GRID2: variants seen among roughly 807,000 people sequenced by gnomAD.
GRID2 encodes glutamate ionotropic receptor delta type subunit 2, also known as glutamate receptor ionotropic, delta-2.
GRID2 carries 33 observed loss-of-function variants against 114.8 expected under a neutral mutation model. The observed-to-expected ratio is 0.29, with a 90% CI of 0.22 to 0.38. The LOEUF (loss-of-function observed/expected upper bound fraction) is 0.38, where lower values mean the gene tolerates loss of function less well. Among genes scored for constraint, GRID2 ranks in the 10% least tolerant of loss-of-function variants. The pLI, the probability that GRID2 is intolerant of heterozygous loss-of-function variation, is 1.00. For missense variants in GRID2, 1,184 were observed against 1,257.7 expected (o/e 0.94, Z 0.89); for synonymous variants, 505 against 449.9 (o/e 1.12, Z -1.55).
chr4:92,409,615 A>G (rs1010952925), intron 1 of GRID2, among the ~76,000 whole-genome samples: 1 of 152,180 alleles, frequency 6.6e-6, no homozygotes, highest in African/African-American at 2.4e-5. Context: ...GGCTGCTGGT[A>G]TGACCGAACA....
At chr4:92,879,225 G>T (rs916837501) in intron 2 of GRID2, among the ~76,000 whole-genome samples, 19 of 152,110 alleles carry the variant, frequency 1.2e-4, no homozygotes, top group Non-Finnish European at 7.4e-5. Context: ...AAAGTAGGAG[G>T]TATGAGGGTA....
intron 2 of GRID2, among the ~76,000 whole-genome samples, chr4:92,908,111 G>A (rs1057122839): frequency 6.6e-6 from 1 of 152,108 alleles, no homozygotes; most frequent in African/African-American, 2.4e-5. Flanking sequence ...AGCATTGTGA[G>A]ATTCACTAGC....
intron 2 of GRID2, among the ~76,000 whole-genome samples, chr4:92,877,699 C>T (rs149054050): frequency 6.6e-6 from 1 of 152,228 alleles, no homozygotes; most frequent in East Asian, 1.9e-4. Context: ...ATTAGTGTGT[C>T]CTGTCACTCT....
At chr4:92,423,112 C>T (rs545893700) in intron 1 of GRID2, among the ~76,000 whole-genome samples, 15 of 151,960 alleles carry the variant, frequency 9.9e-5, no homozygotes, top group South Asian at 2.1e-4. Context: ...CGAGCCAACG[C>T]GAGAAAAATG....
At chr4:92,308,941 T>C (rs1725558021) in intron 1 of GRID2, among the ~76,000 whole-genome samples, 4 of 152,192 alleles carry the variant, frequency 2.6e-5, no homozygotes, top group Admixed American at 2.6e-4. Flanking sequence ...TATTCTTCTC[T>C]GTATCATTAA....
At chr4:93,775,443 T>C (rs1734350031), downstream of GRID2, among the ~76,000 whole-genome samples, 1 of 152,204 alleles carries the variant, frequency 6.6e-6, no homozygotes, top group Non-Finnish European at 1.5e-5. Flanking sequence ...ATCTCTAGGA[T>C]CCTTCCTTCC....
At chr4:92,893,993 ATAAT>A (rs1445766901) in intron 2 of GRID2, among the ~76,000 whole-genome samples, 1 of 152,090 alleles carries the variant, frequency 6.6e-6, no homozygotes, top group Non-Finnish European at 1.5e-5. Context: ...TTTAAATTTG[ATAAT>A]TAATTACCTA....
At chr4:92,907,442 G>A (rs1161222645) in intron 2 of GRID2, among the ~76,000 whole-genome samples, 2 of 151,796 alleles carry the variant, frequency 1.3e-5, no homozygotes, top group Non-Finnish European at 2.9e-5. Flanking sequence ...ACAGATATTC[G>A]CTCTTGTTTC....
chr4:92,605,087 A>G (rs1729390907), intron 2 of GRID2, among the ~76,000 whole-genome samples: 1 of 152,022 alleles, frequency 6.6e-6, no homozygotes, highest in Non-Finnish European at 1.5e-5. Flanking sequence ...CTATGATTGT[A>G]AGTTTCCTGA....
chr4:93,146,499 T>C (rs927307309), intron 4 of GRID2, among the ~76,000 whole-genome samples: 1 of 152,030 alleles, frequency 6.6e-6, no homozygotes, highest in African/African-American at 2.4e-5. Flanking sequence ...TAAAATGGAA[T>C]TTACGTTCAA....
intron 13 of GRID2, among the ~76,000 whole-genome samples, chr4:93,519,108 T>C (rs1730092462): frequency 1.3e-5 from 2 of 152,138 alleles, no homozygotes; most frequent in African/African-American, 2.4e-5. Context: ...CCATAGGTGG[T>C]TCATATGCAT....
chr4:92,561,330 C>T (rs952433400), intron 1 of GRID2, among the ~76,000 whole-genome samples: 5 of 152,110 alleles, frequency 3.3e-5, no homozygotes, highest in South Asian at 2.1e-4. Flanking sequence ...GAAATATATA[C>T]AGGTTTGGGG....
chr4:92,652,937 AAC>A lies in GRID2; in HGVS notation c.244+62653_244+62654del, dbSNP rs1314797813. ...TTATAAATACATATAAATATATATAAACATATATTTATAAATATATATAAACA... is the reference window on the plus strand; with the variant it reads ...TTATAAATACATATAAATATATATAAATATATTTATAAATATATATAAACA... On this transcript the variant is annotated intron_variant, in intron 2 of 15. Coordinates refer to ENST00000282020, the MANE Select transcript of GRID2 (RefSeq NM_001510.4). Among the ~76,000 whole-genome samples the A allele has an allele frequency of 1.1e-4, 8 of 70,644 alleles. No homozygotes were observed. In the East Asian group the frequency reaches 1.7e-3, roughly 15 times the overall value. 46.3% of individuals were successfully genotyped at this position (70,644 alleles called of 152,430 possible).
chr4:92,591,885 AT>A (rs1336171652), intron 2 of GRID2, among the ~76,000 whole-genome samples: 1 of 152,120 alleles, frequency 6.6e-6, no homozygotes, highest in Admixed American at 6.6e-5. Context: ...TGAGATTTTA[AT>A]TTTTAATAAG....
At chr4:93,442,428 G>T (rs1352846842) in intron 10 of GRID2, among the ~76,000 whole-genome samples, 1 of 151,936 alleles carries the variant, frequency 6.6e-6, no homozygotes, top group Non-Finnish European at 1.5e-5. Context: ...AATATATATT[G>T]TTAAGCCTCT....
At chr4:93,694,001 C>A (rs1430989921) in intron 14 of GRID2, among the ~76,000 whole-genome samples, 3 of 151,904 alleles carry the variant, frequency 2.0e-5, no homozygotes, top group Non-Finnish European at 4.4e-5. Context: ...CTGGATATTC[C>A]CTAAGAGAGA....
At chr4:92,931,534 G>C (rs560822962) in intron 2 of GRID2, among the ~76,000 whole-genome samples, 1 of 150,628 alleles carries the variant, frequency 6.6e-6, no homozygotes, top group South Asian at 2.1e-4. Context: ...ACATGAAGTA[G>C]AATGATAATC....
At chr4:92,622,007 T>A (rs1424282348) in intron 2 of GRID2, among the ~76,000 whole-genome samples, 1 of 151,734 alleles carries the variant, frequency 6.6e-6, no homozygotes, top group Non-Finnish European at 1.5e-5. Context: ...AGAACAATCA[T>A]GTTTGTTATT....
At chr4:93,755,236 C>A (rs2110294089) in intron 14 of GRID2, among the ~76,000 whole-genome samples, 1 of 152,234 alleles carries the variant, frequency 6.6e-6, no homozygotes, top group Admixed American at 6.5e-5. Flanking sequence ...CTCCTATAAG[C>A]AGTTGGTGCT....
Sources: gnomAD v4.1 joint callset for allele counts (sites outside exome capture counted in the v4.1 genomes callset) on GRCh38, gnomAD v4.1.1 for gene constraint, MANE v1.5 for transcripts, NCBI Gene and HGNC (gene_info 2026-07-23, HGNC 2026-07-21) for gene names.